Variants in CPSF3 observed in about 807,000 individuals in gnomAD.
CPSF3 encodes the protein cleavage and polyadenylation specificity factor subunit 3.
A neutral mutation model predicts 84.1 loss-of-function variants in CPSF3; 57 were observed. The observed-to-expected ratio is 0.68, with a 90% CI of 0.55 to 0.85. The LOEUF is 0.85. Ranked by LOEUF, CPSF3 falls within the 40% of genes least tolerant of loss-of-function variation. CPSF3 has a pLI of 0.00. For missense variants in CPSF3, 522 were observed against 838.8 expected (o/e 0.62, Z 4.66); for synonymous variants, 275 against 278.1 (o/e 0.99, Z 0.11).
chr2:9,459,685 T>C, intron 15 of CPSF3, 67 bp downstream of exon 15: 1 of 718,900 alleles, frequency 1.4e-6, no homozygotes. Context: ...ATACTAGCTC[T>C]GTCATCCAGG....
At chr2:9,450,257 T>TTC (rs754691938) in intron 11 of CPSF3, among the ~76,000 whole-genome samples, 5 of 151,460 alleles carry the variant, frequency 3.3e-5, no homozygotes, top group Admixed American at 6.6e-5. Flanking sequence ...GTTCATGGAA[T>TTC]TCTCCTACCT....
intron 14 of CPSF3, among the ~76,000 whole-genome samples, chr2:9,458,392 A>C (rs994273769): frequency 6.6e-6 from 1 of 152,218 alleles, no homozygotes; most frequent in Non-Finnish European, 1.5e-5. Flanking sequence ...TGACAGAGCG[A>C]GACGCTGTCT....
In CPSF3 at chr2:9,466,207, C is replaced by T. The variant is rs547916386; in HGVS notation, c.1787-1500C>T. On this transcript the variant is annotated intron_variant, in intron 15 of 17. Transcript: ENST00000238112. ...ACACACACACGCGCTCACACACACACGCGCACACACGCACGCACACACACA... is the reference window on the plus strand; with the variant it reads ...ACACACACACGCGCTCACACACACATGCGCACACACGCACGCACACACACA... 5.3e-5 allele frequency among the ~76,000 whole-genome samples: 8 copies of T among 150,530 alleles called. No homozygotes were observed. In the South Asian group the frequency reaches 1.0e-3, roughly 20 times the overall value.
At position 9,472,800 on chromosome 2, in the gene CPSF3, C is replaced by T. The variant is rs1166401892; in HGVS notation, c.1954-116C>T. ...CTTATCTGGGACCACAGGCACACGC[C>T]ACCACAGCTGGCTAATTTTTTATGA... On this transcript the variant is annotated intron_variant, in intron 17 of 17. Transcript: ENST00000238112. The T allele has an allele frequency of 6.6e-6, 5 of 762,656 alleles. No homozygotes were observed. The East Asian group carries it at 1.3e-4, about 21-fold the overall frequency. The allele number at this position is 762,656 out of a possible 1,614,324, so 47.2% of individuals were successfully genotyped here. A position where few individuals can be genotyped will look rare whatever the true frequency, so the allele number is the denominator to read the frequency against.
At chr2:9,470,464 T>G (rs1682126972) in intron 16 of CPSF3, among the ~76,000 whole-genome samples, 1 of 152,196 alleles carries the variant, frequency 6.6e-6, no homozygotes, top group South Asian at 2.1e-4. Context: ...TGGACTGCTG[T>G]TTCCTAACAC....
chr2:9,430,595 C>A (rs1191477483), intron 3 of CPSF3, among the ~76,000 whole-genome samples, 157 bp from the exon 4 acceptor site: 2 of 152,222 alleles, frequency 1.3e-5, no homozygotes, highest in Non-Finnish European at 2.9e-5. Context: ...GTATGCATTA[C>A]TTCTTCCTTC....
At position 9,452,934 on chromosome 2, in the gene CPSF3, A is replaced by C. The variant is rs746611719; in HGVS notation, c.1417A>C (p.Lys473Gln). Residue 473 changes from lysine to glutamine, a missense_variant, in exon 12 of 18, where the codon AAA becomes CAA. By Grantham distance (53) the Lys-to-Gln change is moderately conservative. Around this residue, in one of 2 missense-constraint regions of CPSF3, gnomAD observed 329 missense variants for 607.2 expected, o/e 0.54. Transcript: ENST00000238112. ...LAKVMGFLADKKPEQGQRVSG... is the reference protein window; with the variant it reads ...LAKVMGFLADQKPEQGQRVSG... Reference sequence around the variant, plus strand: ...ACAGGTTATGGGATTTTTAGCAGACAAAAAACCAGAACAAGGCCAGCGGGT... The same window carrying C: ...ACAGGTTATGGGATTTTTAGCAGACCAAAAACCAGAACAAGGCCAGCGGGT... The C allele has an allele frequency of 6.2e-6, 10 of 1,602,454 alleles. No individual in the cohort carries two copies. The South Asian group carries it at 1.1e-4, about 18-fold the overall frequency.
chr2:9,466,431 C>T (rs927436815), intron 15 of CPSF3, among the ~76,000 whole-genome samples: 7 of 148,296 alleles, frequency 4.7e-5, no homozygotes, highest in South Asian at 2.1e-4. Flanking sequence ...CGCGCACACA[C>T]GCGCACACAC....
chr2:9,450,783 G>A (rs941645772), intron 11 of CPSF3, among the ~76,000 whole-genome samples: 4 of 152,098 alleles, frequency 2.6e-5, no homozygotes, highest in Admixed American at 6.6e-5. Flanking sequence ...GCAAGACTCC[G>A]TCTTAAAAAA....
chr2:9,466,340 A>ACGCGCG (rs55864348), intron 15 of CPSF3, among the ~76,000 whole-genome samples: 6 of 56,722 alleles, frequency 1.1e-4, no homozygotes, highest in Non-Finnish European at 2.1e-4. Context: ...GCACGCACAC[A>ACGCGCG]CGCGCGCGCG....
chr2:9,462,806 T>C (rs985349554), intron 15 of CPSF3, among the ~76,000 whole-genome samples: 4 of 152,228 alleles, frequency 2.6e-5, no homozygotes, highest in African/African-American at 7.2e-5. Context: ...TTGGTTAGCC[T>C]GTGGCCATTT....
At chr2:9,443,467 G>T in intron 9 of CPSF3, 48 bp from the exon 10 acceptor site, 1 of 1,547,916 alleles carries the variant, frequency 6.5e-7, no homozygotes, top group Non-Finnish European at 8.8e-7. Flanking sequence ...GTACCTTTAC[G>T]ATTATAACTG....
chr2:9,459,448 A>G, intron 14 of CPSF3, 83 bp from the exon 15 acceptor site: 1 of 825,512 alleles, frequency 1.2e-6, no homozygotes, highest in South Asian at 1.4e-5. Context: ...TGTACAGTCC[A>G]TGGTTTGGTG....
intron 1 of CPSF3, among the ~76,000 whole-genome samples, chr2:9,427,914 GTATAAAATATGC>G (rs1444080359): frequency 6.6e-6 from 1 of 151,878 alleles, no homozygotes; most frequent in Non-Finnish European, 1.5e-5. Flanking sequence ...TAAGTAGTTG[GTATAAAATATGC>G]TGAAATAACA....
chr2:9,456,020 A>C (rs959514745), intron 13 of CPSF3, among the ~76,000 whole-genome samples: 1 of 152,168 alleles, frequency 6.6e-6, no homozygotes, highest in Admixed American at 6.5e-5. Context: ...TAATTCCATA[A>C]TACTTATCTT....
chr2:9,442,052 C>T (rs1680973383), intron 9 of CPSF3, 76 bp downstream of exon 9: 2 of 1,447,040 alleles, frequency 1.4e-6, no homozygotes, highest in Non-Finnish European at 1.9e-6. Flanking sequence ...CAGGTTTTTG[C>T]ACTGAAGTAG....
chr2:9,468,835 C>T (rs1682065024), intron 16 of CPSF3, among the ~76,000 whole-genome samples: 1 of 151,930 alleles, frequency 6.6e-6, no homozygotes, highest in Admixed American at 6.6e-5. Flanking sequence ...ACCATATTGG[C>T]CAGGCTGGTC....
intron 11 of CPSF3, among the ~76,000 whole-genome samples, chr2:9,450,395 T>C (rs1458692360): frequency 1.3e-5 from 2 of 150,414 alleles, no homozygotes; most frequent in African/African-American, 4.9e-5. Flanking sequence ...CCTCAAATGA[T>C]CCACGTGCCT....
At chr2:9,439,474 A>G (rs1406497719) in intron 7 of CPSF3, among the ~76,000 whole-genome samples, 1 of 148,146 alleles carries the variant, frequency 6.8e-6, no homozygotes. Flanking sequence ...CTCCATCTCA[A>G]AAAAAAAAAA....
Sources: gnomAD v4.1 joint callset for allele counts (sites outside exome capture counted in the v4.1 genomes callset) on GRCh38, gnomAD v4.1.1 for gene constraint, gnomAD v4.1.1 regional missense constraint, MANE v1.5 for transcripts, NCBI Gene and HGNC (gene_info 2026-07-23, HGNC 2026-07-21) for gene names.